PCNX2: variants seen among roughly 807,000 people sequenced by gnomAD.
PCNX2 encodes pecanex 2, also known as pecanex-like protein 2.
Under a neutral mutation model 223.8 loss-of-function variants are expected in PCNX2, and 168 were observed. The ratio of observed to expected loss-of-function variants is 0.75; its 90% CI spans 0.66 to 0.85. The LOEUF (loss-of-function observed/expected upper bound fraction) is 0.85, where lower values mean the gene tolerates loss of function less well. Among genes scored for constraint, PCNX2 ranks in the 40% least tolerant of loss-of-function variants. The probability of loss-of-function intolerance (pLI) is 0.00; values close to 1 mark genes in which losing one functional copy is unlikely to be tolerated. For missense variants in PCNX2, 2,507 were observed against 2,675.5 expected, an observed-to-expected ratio of 0.94 and a Z score of 1.39; for synonymous variants, 1,006 against 1,052.6, an observed-to-expected ratio of 0.96 and a Z score of 0.86.
At chr1:233,053,837 A>T (rs1460809386) in intron 25 of PCNX2, among the ~76,000 whole-genome samples, 1 of 152,184 alleles carries the variant, frequency 6.6e-6, no homozygotes, top group Admixed American at 6.5e-5. Flanking sequence ...AGCCATTCTC[A>T]TTATTATTAT....
chr1:233,309,293 T>C, the PCNX2 span, among the ~76,000 whole-genome samples: 1 of 152,012 alleles, frequency 6.6e-6, no homozygotes, highest in Non-Finnish European at 1.5e-5. Context: ...TATAATCCCA[T>C]GGCTTTGGGA....
intron 25 of PCNX2, among the ~76,000 whole-genome samples, chr1:233,046,537 G>T (rs3766475): frequency 0.26 from 39,708 of 152,068 alleles, 6,844 homozygotes; most frequent in African/African-American, 0.49. Context: ...TTTAAAAAAA[G>T]GTATTGTTTA....
chr1:233,112,708 T>TCGGTAG, intron 21 of PCNX2: 1 of 736,170 alleles, frequency 1.4e-6, no homozygotes, highest in Non-Finnish European at 1.8e-6. Flanking sequence ...TGTGTAGATC[T>TCGGTAG]TTGAACAATA....
intron 8 of PCNX2, chr1:233,241,206 G>A (rs557104126): frequency 1.2e-5 from 12 of 985,334 alleles, no homozygotes; most frequent in Admixed American, 1.2e-4. Flanking sequence ...TGTGAGTATC[G>A]GAGAAAAAGG....
intron 32 of PCNX2, among the ~76,000 whole-genome samples, chr1:232,997,879 A>G (rs1233761104): frequency 6.6e-6 from 1 of 152,150 alleles, no homozygotes; most frequent in Non-Finnish European, 1.5e-5. Context: ...CCCCACGGAC[A>G]CTTGGAGAAG....
At chr1:233,320,849 C>T in the PCNX2 span, among the ~76,000 whole-genome samples, 4 of 152,062 alleles carry the variant, frequency 2.6e-5, no homozygotes, top group African/African-American at 9.7e-5. Flanking sequence ...TCAGGAAAGT[C>T]TTGTAAGTAT....
the PCNX2 span, among the ~76,000 whole-genome samples, chr1:233,325,530 G>T: frequency 7.3e-5 from 11 of 149,942 alleles, no homozygotes; most frequent in African/African-American, 2.7e-4. Context: ...AAAAAAATTA[G>T]CTGGGCGTGG....
chr1:233,037,598 T>A (rs1478749205), intron 25 of PCNX2, among the ~76,000 whole-genome samples: 4 of 152,118 alleles, frequency 2.6e-5, no homozygotes, highest in Admixed American at 2.6e-4. Context: ...CTCCCGGGAT[T>A]ACAGACATGC....
chr1:232,989,024 G>T (rs1669598011), intron 32 of PCNX2, among the ~76,000 whole-genome samples: 1 of 152,196 alleles, frequency 6.6e-6, no homozygotes, highest in African/African-American at 2.4e-5. Flanking sequence ...CTCAGGATTG[G>T]GATACCTGAC....
At chr1:233,321,013 C>CTTTTTTTTTTT in the PCNX2 span, among the ~76,000 whole-genome samples, 3 of 70,358 alleles carry the variant, frequency 4.3e-5, no homozygotes, top group African/African-American at 5.9e-5. Flanking sequence ...AAAATGTCTT[C>CTTTTTTTTTTT]TTTTTTTTTT....
chr1:233,160,187 G>T, intron 19 of PCNX2, 96 bp downstream of exon 19: 1 of 1,335,748 alleles, frequency 7.5e-7, no homozygotes, highest in Non-Finnish European at 1.0e-6. Flanking sequence ...CAGTTCTGTG[G>T]CATTAAGTAC....
intron 21 of PCNX2, among the ~76,000 whole-genome samples, chr1:233,115,780 A>G (rs533810495): frequency 3.9e-5 from 6 of 152,330 alleles, no homozygotes; most frequent in Non-Finnish European, 8.8e-5. Flanking sequence ...ACTGAAAACT[A>G]TAACAACAAA....
chr1:233,128,930 G>C (rs1250628037), intron 21 of PCNX2, among the ~76,000 whole-genome samples: 3 of 152,236 alleles, frequency 2.0e-5, no homozygotes, highest in African/African-American at 7.2e-5. Context: ...TGCAGAGACC[G>C]TTCTTTCTCA....
Position 233,019,124 on chromosome 1 carries a change from C to T in PCNX2, c.4606-1970G>A, listed in dbSNP as rs981884177. Reference sequence around the variant, plus strand: ...GGACTTTAGCAGGTGAAGAGACAGTCTGTGATTTCCACTAAACAACTGCAA... The same window carrying T: ...GGACTTTAGCAGGTGAAGAGACAGTTTGTGATTTCCACTAAACAACTGCAA... On this transcript the variant is annotated intron_variant, in intron 26 of 33. Coordinates refer to ENST00000258229, the MANE Select transcript of PCNX2 (RefSeq NM_014801.4). The T allele has an allele frequency of 4.1e-6, 4 of 985,200 alleles. No homozygotes were observed. The African/African-American group carries it at 5.2e-5, about 13-fold the overall frequency. The allele number at this position is 985,200 out of a possible 1,614,324, so 61.0% of individuals were successfully genotyped here.
intron 21 of PCNX2, among the ~76,000 whole-genome samples, chr1:233,108,894 C>G (rs1227926976): frequency 6.6e-6 from 1 of 152,078 alleles, no homozygotes; most frequent in Non-Finnish European, 1.5e-5. Context: ...TGTCCCACCC[C>G]CTGCCACCAA....
chr1:233,090,153 T>C lies in PCNX2; in HGVS notation c.3984A>G (p.Ser1328=). ...AMLFFQTIAT[S]IFSTPLSPFL... ...ATGGGCTCAATGGGGTAGAAAAGATTGATGTGGCAATCGTCTGAAAGAAAA... is the reference window on the plus strand; with the variant it reads ...ATGGGCTCAATGGGGTAGAAAAGATCGATGTGGCAATCGTCTGAAAGAAAA... Residue 1328 remains serine, a synonymous_variant, in exon 23 of 34, where the codon TCA becomes TCG. Coordinates refer to ENST00000258229, the MANE Select transcript of PCNX2 (RefSeq NM_014801.4). The C allele has an allele frequency of 1.9e-6, 3 of 1,613,778 alleles. No individual in the cohort carries two copies. The highest frequency in any genetic ancestry group is 2.5e-6 in the Non-Finnish European group (3 of 1,179,802).
intron 21 of PCNX2, among the ~76,000 whole-genome samples, chr1:233,124,438 G>C (rs910982122): frequency 6.6e-6 from 1 of 152,088 alleles, no homozygotes; most frequent in Non-Finnish European, 1.5e-5. Flanking sequence ...ACTGAAAATG[G>C]AGCATGAGTC....
chr1:233,135,463 A>G (rs1005688476), intron 20 of PCNX2, among the ~76,000 whole-genome samples: 1 of 152,210 alleles, frequency 6.6e-6, no homozygotes, highest in African/African-American at 2.4e-5. Flanking sequence ...TTGCCATTAC[A>G]ACAGACATTT....
At chr1:233,321,013 CTTTTTTTTT>C in the PCNX2 span, among the ~76,000 whole-genome samples, 3 of 70,364 alleles carry the variant, frequency 4.3e-5, no homozygotes, top group Admixed American at 4.2e-4. Context: ...AAAATGTCTT[CTTTTTTTTT>C]TTTTTTTTTT....
Sources: allele counts gnomAD v4.1 joint callset (sites outside exome capture counted in the v4.1 genomes callset), GRCh38; gene constraint gnomAD v4.1.1; transcripts MANE v1.5; gene names NCBI Gene and HGNC (gene_info 2026-07-23, HGNC 2026-07-21).